Variants in GLS2 observed in about 807,000 individuals in gnomAD.
The protein encoded by GLS2 is glutaminase 2, also known as glutaminase liver isoform, mitochondrial.
A neutral mutation model predicts 79.0 loss-of-function variants in GLS2; 52 were observed. The ratio of observed to expected loss-of-function variants is 0.66; its 90% CI spans 0.53 to 0.83. The LOEUF (loss-of-function observed/expected upper bound fraction) is 0.83. GLS2 is among the 40% of genes least tolerant of loss of function. The pLI, the probability that GLS2 is intolerant of heterozygous loss-of-function variation, is 0.00. For missense variants in GLS2, 561 were observed against 764.8 expected, an observed-to-expected ratio of 0.73 and a Z score of 3.14; for synonymous variants, 238 against 280.8, an observed-to-expected ratio of 0.85 and a Z score of 1.52.
chr12:56,472,531 TAA>T, intron 15 of GLS2, 157 bp downstream of exon 15: 1 of 662,112 alleles, frequency 1.5e-6, no homozygotes, highest in Non-Finnish European at 2.6e-6. Flanking sequence ...TTACTTTTTT[TAA>T]AAAAAATCTC....
chr12:56,473,034 C>T (rs1244030528), intron 14 of GLS2, 194 bp downstream of exon 14: 9 of 604,902 alleles, frequency 1.5e-5, no homozygotes, highest in South Asian at 4.1e-5. Context: ...GGACCACAGG[C>T]GCGTGCCACC....
In GLS2 at chr12:56,478,197, A is replaced by G. The variant is rs115954738; in HGVS notation, c.600T>C (p.Thr200=). ...CAGCATCTCACCGTTGACCATCCAC[A>G]GTGCACAGGGAGACACCCCACAGGT... ...NPDLWGVSLC[T]VDGQRHSVGH... Residue 200 remains threonine, a synonymous_variant, in exon 5 of 18, where the codon ACT becomes ACC. Coordinates refer to ENST00000311966, the MANE Select transcript of GLS2 (RefSeq NM_013267.4). 4.4e-5 allele frequency: 71 copies of G among 1,614,192 alleles called. No individual in the cohort carries two copies. In the African/African-American group the frequency reaches 7.3e-4, roughly 17 times the overall value.
chr12:56,483,413 C>A (rs902976077), intron 1 of GLS2, among the ~76,000 whole-genome samples: 1 of 151,900 alleles, frequency 6.6e-6, no homozygotes, highest in Admixed American at 6.6e-5. Flanking sequence ...AGATTAGAAA[C>A]AACTTGATGT....
intron 1 of GLS2, chr12:56,487,663 C>T (rs1870793211): frequency 1.9e-6 from 1 of 517,422 alleles, no homozygotes; most frequent in Non-Finnish European, 3.4e-6. Flanking sequence ...CCAAGCAACA[C>T]TCGGCGCGCA....
At chr12:56,477,096 C>G (rs1474384528) in intron 7 of GLS2, 1 of 152,320 alleles carries the variant, frequency 6.6e-6, no homozygotes, top group Non-Finnish European at 1.5e-5. Context: ...GGGAGGATTC[C>G]TAACACCACC....
chr12:56,487,767 C>T (rs1171165814), intron 1 of GLS2, among the ~76,000 whole-genome samples, 170 bp downstream of exon 1: 1 of 152,252 alleles, frequency 6.6e-6, no homozygotes, highest in African/African-American at 2.4e-5. Context: ...AGATTACCGC[C>T]CGAGCGCGGC....
At chr12:56,478,133 G>A (rs778826459) in intron 5 of GLS2, 37 bp from the exon 6 acceptor site, 4 of 1,614,142 alleles carry the variant, frequency 2.5e-6, no homozygotes, top group South Asian at 2.2e-5. Flanking sequence ...GGGTTGGCCT[G>A]TGTTCGGCAC....
chr12:56,479,701 C>A (rs1299726192), intron 3 of GLS2, 79 bp downstream of exon 3: 8 of 1,463,522 alleles, frequency 5.5e-6, no homozygotes, highest in Non-Finnish European at 7.3e-6. Context: ...ATACAATTCC[C>A]AAATTCCTCC....
chr12:56,488,021 C>T lies in GLS2; in HGVS notation c.98G>A (p.Gly33Asp). The T allele has an allele frequency of 6.3e-7, 1 of 1,597,916 alleles. No individual in the cohort carries two copies. Among genetic ancestry groups the T allele is most frequent in the Non-Finnish European group, 8.5e-7 (1 of 1,178,414 alleles). ...ACTGAGGTGGTGCCGGACGCCCCCGCCAAGGAGGGGGCTCCGGCTCGGGTG... is the reference window on the plus strand; with the variant it reads ...ACTGAGGTGGTGCCGGACGCCCCCGTCAAGGAGGGGGCTCCGGCTCGGGTG... ...WGHPSRSPLL[G>D]GGVRHHLSEA... Residue 33 changes from glycine to aspartate, a missense_variant, in exon 1 of 18, where the codon GGC becomes GAC. Transcript: ENST00000311966.
At chr12:56,484,061 G>C (rs1870503307) in intron 1 of GLS2, among the ~76,000 whole-genome samples, 1 of 152,100 alleles carries the variant, frequency 6.6e-6, no homozygotes, top group South Asian at 2.1e-4. Context: ...CATGAGGTAA[G>C]GAGTTCGAGA....
intron 13 of GLS2, 26 bp downstream of exon 13, chr12:56,473,437 T>G: frequency 6.2e-7 from 1 of 1,605,296 alleles, no homozygotes; most frequent in African/African-American, 1.3e-5. Context: ...TCAAAAATAG[T>G]AAGTACTATA....
intron 1 of GLS2, 73 bp downstream of exon 1, chr12:56,487,864 C>G (rs1870814786): frequency 2.0e-6 from 3 of 1,493,042 alleles, no homozygotes; most frequent in Non-Finnish European, 2.7e-6. Flanking sequence ...CTTGGAAGGG[C>G]ACTCGGGAAC....
In GLS2 at chr12:56,484,858, T is replaced by A. The variant is rs12229485; in HGVS notation, c.182+3079A>T. On this transcript the variant is annotated intron_variant, in intron 1 of 17. Transcript: ENST00000311966. ...AGGATACCATTTGTATAAAAAAAGG[T>A]AAAGTAGTATCAGCATGTATTTTAT... 1.0e-3 allele frequency among the ~76,000 whole-genome samples: 156 copies of A among 152,190 alleles called. 3 individuals carry two copies. In the East Asian group the frequency reaches 0.027, roughly 26 times the overall value.
intron 1 of GLS2, among the ~76,000 whole-genome samples, chr12:56,483,552 A>T (rs1870464982): frequency 6.6e-6 from 1 of 152,302 alleles, no homozygotes; most frequent in Non-Finnish European, 1.5e-5. Flanking sequence ...TATTAACTAA[A>T]AGAAGCGTGC....
At chr12:56,473,745 C>T (rs1388912494) in intron 12 of GLS2, 151 bp from the exon 13 acceptor site, 1 of 885,032 alleles carries the variant, frequency 1.1e-6, no homozygotes, top group Non-Finnish European at 1.6e-6. Flanking sequence ...TCTTTTATTA[C>T]TCCTGTCCTT....
intron 7 of GLS2, 192 bp from the exon 8 acceptor site, chr12:56,476,169 T>TC (rs1374131568): frequency 1.9e-6 from 1 of 532,848 alleles, no homozygotes; most frequent in Non-Finnish European, 3.3e-6. Flanking sequence ...CTCTTTCTTT[T>TC]TTTTGAGACA....
chr12:56,473,723 T>C, intron 12 of GLS2, 129 bp from the exon 13 acceptor site: 3 of 1,141,950 alleles, frequency 2.6e-6, no homozygotes, highest in Non-Finnish European at 3.6e-6. Flanking sequence ...CCTTTTGGCT[T>C]GTTAATTAGC....
intron 7 of GLS2, chr12:56,476,272 CCCA>C: frequency 2.7e-6 from 1 of 373,300 alleles, no homozygotes; most frequent in Non-Finnish European, 5.0e-6. Context: ...AAGCGATCCT[CCCA>C]CTTCAGCCTC....
chr12:56,480,166 A>G (rs1870167507), intron 2 of GLS2, 122 bp downstream of exon 2: 1 of 867,514 alleles, frequency 1.2e-6, no homozygotes, highest in South Asian at 1.7e-5. Context: ...ATTCTCATCC[A>G]TCTGTATGCT....
Sources: allele counts gnomAD v4.1 joint callset (sites outside exome capture counted in the v4.1 genomes callset), GRCh38; gene constraint gnomAD v4.1.1; transcripts MANE v1.5; gene names NCBI Gene and HGNC (gene_info 2026-07-23, HGNC 2026-07-21).